Variants in RPF2 observed in about 807,000 individuals in gnomAD.
The protein encoded by RPF2 is brix domain containing 1.
A neutral mutation model predicts 38.9 loss-of-function variants in RPF2; 21 were observed. The observed-to-expected ratio is 0.54, with a 90% CI of 0.38 to 0.78. RPF2 has a LOEUF of 0.78. Among genes scored for constraint, RPF2 ranks in the 30% least tolerant of loss-of-function variants. The pLI is 0.00. For missense variants in RPF2, 314 were observed against 358.1 expected (o/e 0.88, Z 0.99); for synonymous variants, 121 against 126.2 (o/e 0.96, Z 0.28).
chr6:110,989,048 C>A lies in RPF2; in HGVS notation c.177C>A (p.Tyr59Ter). 1 of 1,587,932 alleles carries A rather than the reference C, an allele frequency of 6.3e-7. No individual in the cohort carries two copies. Among genetic ancestry groups the A allele is most frequent in the Admixed American group, 1.8e-5 (1 of 55,588 alleles). Residue 59 changes from tyrosine (Y) to a stop codon, truncating the protein, a stop_gained, in exon 3 of 10, where the codon TAC becomes TAA. Transcript: ENST00000441448. LOFTEE classifies it high-confidence loss of function. ...TACAGTATGCACTGAAAAAACCATA[C>A]GGTGTACTATATAAAAAGTAAGTCA... Reference protein sequence around the residue: ...LKDVYALKKPYGVLYKKKNIT... With the variant: ...LKDVYALKKP
rs777946441 is a variant in RPF2, at chr6:111,025,507, G to A, written c.846G>A (p.Lys282=). Residue 282 remains lysine, a synonymous_variant, in exon 10 of 10, where the codon AAG becomes AAA. Coordinates refer to ENST00000441448, the MANE Select transcript of RPF2 (RefSeq NM_032194.3). ...GCAAACTACAAACCAGGAAAATGAA[G>A]GGGTTGAAGAAGCGACCTGCAGAAA... ...DLSKLQTRKM[K]GLKKRPAERI... is the part of the protein sequence containing the mutation. The A allele has an allele frequency of 6.2e-7, 1 of 1,613,732 alleles. No homozygotes were observed. Among genetic ancestry groups the A allele is most frequent in the Non-Finnish European group, 8.5e-7 (1 of 1,179,890 alleles).
intron 2 of RPF2, among the ~76,000 whole-genome samples, chr6:110,988,434 CTTTT>C (rs71021819): frequency 2.0e-4 from 28 of 140,198 alleles, no homozygotes; most frequent in Admixed American, 2.2e-4. Flanking sequence ...TTGTCTACTA[CTTTT>C]TTTTTTTTTT....
chr6:110,991,389 C>A (rs917400791), intron 3 of RPF2, among the ~76,000 whole-genome samples: 1 of 147,610 alleles, frequency 6.8e-6, no homozygotes, highest in African/African-American at 2.5e-5. Flanking sequence ...CTGTGCTCGG[C>A]GCCCCCTGCT....
chr6:110,983,408 C>T (rs1771465274), intron 1 of RPF2, among the ~76,000 whole-genome samples: 1 of 151,814 alleles, frequency 6.6e-6, no homozygotes, highest in African/African-American at 2.4e-5. Context: ...GTGCAGTAGC[C>T]CCATCACAGC....
intron 7 of RPF2, among the ~76,000 whole-genome samples, chr6:111,010,637 C>T (rs1307818533): frequency 6.6e-6 from 1 of 152,120 alleles, no homozygotes; most frequent in Non-Finnish European, 1.5e-5. Flanking sequence ...TTTCTTGCAC[C>T]ATGCTTACAA....
Position 111,002,018 on chromosome 6 carries a change from G to A in RPF2, c.393+2231G>A, listed in dbSNP as rs188701548. Reference sequence around the variant, plus strand: ...AAACCGGCTAGGCGTGCTGGCTCACGCCTGTAATCCCAGTAGCTTGGGAGG... The same window carrying A: ...AAACCGGCTAGGCGTGCTGGCTCACACCTGTAATCCCAGTAGCTTGGGAGG... On this transcript the variant is annotated intron_variant, in intron 6 of 9. Transcript: ENST00000441448. Among the ~76,000 whole-genome samples, 7 of 152,296 alleles carry A rather than the reference G, an allele frequency of 4.6e-5. No individual in the cohort carries two copies. The East Asian group carries it at 1.2e-3, about 25-fold the overall frequency.
At chr6:111,011,903 G>A (rs1392489124) in intron 7 of RPF2, among the ~76,000 whole-genome samples, 1 of 152,184 alleles carries the variant, frequency 6.6e-6, no homozygotes, top group Admixed American at 6.5e-5. Flanking sequence ...CTGGACAGAA[G>A]CAGAAAGGTA....
intron 2 of RPF2, among the ~76,000 whole-genome samples, chr6:110,985,966 A>T (rs1435355139): frequency 6.7e-6 from 1 of 150,364 alleles, no homozygotes; most frequent in East Asian, 1.9e-4. Context: ...ACATAGGGGG[A>T]CCCCCACACA....
At chr6:111,005,327 G>T (rs1217843872) in intron 6 of RPF2, among the ~76,000 whole-genome samples, 2 of 151,924 alleles carry the variant, frequency 1.3e-5, no homozygotes, top group African/African-American at 4.8e-5. Context: ...CTTGATTTTT[G>T]GTCAGAACAG....
At chr6:111,004,805 GT>G (rs1771880998) in intron 6 of RPF2, among the ~76,000 whole-genome samples, 1 of 152,010 alleles carries the variant, frequency 6.6e-6, no homozygotes. Flanking sequence ...CTCACCTCAA[GT>G]GATCTACCCA....
chr6:110,982,278 G>A (rs1428433563), intron 1 of RPF2, 149 bp downstream of exon 1: 1 of 829,076 alleles, frequency 1.2e-6, no homozygotes, highest in Non-Finnish European at 2.0e-6. Flanking sequence ...GTCCTCCTCA[G>A]CGCGAGCTGC....
At chr6:110,988,724 C>T (rs1771567030) in intron 2 of RPF2, among the ~76,000 whole-genome samples, 1 of 152,152 alleles carries the variant, frequency 6.6e-6, no homozygotes, top group Admixed American at 6.6e-5. Context: ...TGAGCCACTG[C>T]ACCTGGAATT....
At chr6:110,983,709 A>G (rs1218964551) in intron 1 of RPF2, among the ~76,000 whole-genome samples, 2 of 151,932 alleles carry the variant, frequency 1.3e-5, no homozygotes, top group African/African-American at 2.4e-5. Context: ...TGTCTGTTCA[A>G]TTGCCTCATC....
At position 111,027,519 on chromosome 6, in the gene RPF2, C is replaced by T. The variant is rs1772354112; in HGVS notation, c.*1937C>T. The T allele has an allele frequency of 1.3e-5, 2 of 152,190 alleles. No homozygotes were observed. Among genetic ancestry groups the T allele is most frequent in the Admixed American group, 1.3e-4 (2 of 15,260 alleles). 9.4% of individuals were successfully genotyped at this position (152,190 alleles called of 1,614,324 possible). ...CGCTCATCACTGGTAGGAGGCAAAG[C>T]AGTGGGTCCTCCTCACCAGCCGCTT... is the stretch of plus-strand genomic sequence containing the variant. On this transcript the variant is annotated 3_prime_UTR_variant, in exon 10 of 10. Coordinates refer to ENST00000441448, the MANE Select transcript of RPF2 (RefSeq NM_032194.3).
chr6:111,001,318 GT>G (rs1212275543), intron 6 of RPF2, among the ~76,000 whole-genome samples: 1 of 152,054 alleles, frequency 6.6e-6, no homozygotes, highest in Non-Finnish European at 1.5e-5. Flanking sequence ...AACGTATTTT[GT>G]AAAGTACATA....
At chr6:110,988,523 A>G (rs964926051) in intron 2 of RPF2, among the ~76,000 whole-genome samples, 1 of 151,690 alleles carries the variant, frequency 6.6e-6, no homozygotes, top group Non-Finnish European at 1.5e-5. Context: ...ACAGCCTCGA[A>G]TTCCTGAGCT....
At chr6:111,016,935 A>T (rs866853475) in intron 8 of RPF2, among the ~76,000 whole-genome samples, 1 of 152,010 alleles carries the variant, frequency 6.6e-6, no homozygotes, top group South Asian at 2.1e-4. Flanking sequence ...CACATCTTGC[A>T]CCGCCCTTAA....
At chr6:110,986,031 G>A (rs961222538) in intron 2 of RPF2, among the ~76,000 whole-genome samples, 3 of 152,128 alleles carry the variant, frequency 2.0e-5, no homozygotes, top group Non-Finnish European at 4.4e-5. Context: ...AGAAGTTGGT[G>A]CAAGAAGTGG....
At position 111,008,153 on chromosome 6, in the gene RPF2, T is replaced by C; in HGVS notation, c.493+16T>C. On this transcript the variant is annotated intron_variant, in intron 7 of 9. Transcript: ENST00000441448. Reference sequence around the variant, plus strand: ...CTTCTTATTGGTAAGTATTTTAGTATTTATTATCTTCAGGGTAGCTCAGGA... The same window carrying C: ...CTTCTTATTGGTAAGTATTTTAGTACTTATTATCTTCAGGGTAGCTCAGGA... 1.3e-6 allele frequency: 2 copies of C among 1,587,064 alleles called. No homozygotes were observed. Among genetic ancestry groups the C allele is most frequent in the Middle Eastern group, 1.7e-4 (1 of 5,842 alleles).
Sources: gnomAD v4.1 joint callset for allele counts (sites outside exome capture counted in the v4.1 genomes callset) on GRCh38, gnomAD v4.1.1 for gene constraint, MANE v1.5 for transcripts, NCBI Gene and HGNC (gene_info 2026-07-23, HGNC 2026-07-21) for gene names.